The following CFAP46 variants were observed in gnomAD, a reference collection of about 807,000 sequenced individuals.
CFAP46 encodes cilia- and flagella-associated protein 46.
In CFAP46, 245 loss-of-function variants were observed where a neutral mutation model predicts 325.7. The ratio of observed to expected loss-of-function variants is 0.75; its 90% CI spans 0.68 to 0.84. The LOEUF is 0.84. Among genes scored for constraint, CFAP46 ranks in the 40% least tolerant of loss-of-function variants. The pLI is 0.00. For synonymous variants in CFAP46, 1,523 were observed against 1,495.9 expected, an observed-to-expected ratio of 1.02 and a Z score of -0.42; for missense variants, 3,346 against 3,543.0, an observed-to-expected ratio of 0.94 and a Z score of 1.41.
At chr10:132,860,725 C>A (rs1848709566) in intron 36 of CFAP46, 57 bp downstream of exon 36, 1 of 1,529,846 alleles carries the variant, frequency 6.5e-7, no homozygotes, top group African/African-American at 1.4e-5. Flanking sequence ...CCCTTCCTCT[C>A]CACCAAGCAC....
Position 132,877,021 on chromosome 10 carries a change from C to T in CFAP46, c.4213-60G>A. On this transcript the variant is annotated intron_variant, in intron 30 of 57. Transcript: ENST00000368586. This position sits in a 1 kb window ranked among gnomAD's most constrained non-coding sequence, Gnocchi z 5.7. ...GGTGGAGGTGAAACAGCAGACACCC[C>T]CGGCCCACCGGCATGGCTGTGCAGC... is the stretch of plus-strand genomic sequence containing the variant. 1 of 1,500,278 alleles carries T rather than the reference C, an allele frequency of 6.7e-7. No homozygotes were observed. The highest frequency in any genetic ancestry group is 9.0e-7 in the Non-Finnish European group (1 of 1,114,304). 92.9% of individuals were successfully genotyped at this position (1,500,278 alleles called of 1,614,324 possible). A position where few individuals can be genotyped will look rare whatever the true frequency, so the allele number is the denominator to read the frequency against.
intron 56 of CFAP46, chr10:132,810,719 G>A (rs1035156710): frequency 5.5e-6 from 4 of 726,030 alleles, no homozygotes; most frequent in Non-Finnish European, 1.0e-5. Context: ...CAGCTGTGAG[G>A]CGCTGTGGGG....
intron 44 of CFAP46, among the ~76,000 whole-genome samples, chr10:132,840,855 C>T (rs577074826): frequency 3.3e-5 from 5 of 152,244 alleles, no homozygotes; most frequent in East Asian, 3.9e-4. Flanking sequence ...TGTGGCCCAG[C>T]GCTGTTCGGT....
chr10:132,821,971 C>T (rs1346271667), intron 50 of CFAP46, among the ~76,000 whole-genome samples: 1 of 112,772 alleles, frequency 8.9e-6, no homozygotes, highest in African/African-American at 3.8e-5. Flanking sequence ...TGTGTGTGCG[C>T]TGATGTGTGC....
chr10:132,913,328 G>T (rs891875322), intron 17 of CFAP46, 70 bp from the exon 18 acceptor site: 2 of 1,297,094 alleles, frequency 1.5e-6, no homozygotes, highest in East Asian at 2.5e-5. Context: ...CAGGAAGGCT[G>T]CGGGGCCTGT....
At position 132,908,630 on chromosome 10, in the gene CFAP46, A is replaced by G. The variant is rs1208773285; in HGVS notation, c.2762T>C (p.Val921Ala). 3.3e-6 allele frequency: 5 copies of G among 1,533,816 alleles called. No homozygotes were observed. Among genetic ancestry groups the G allele is most frequent in the Non-Finnish European group, 4.4e-6 (5 of 1,137,468 alleles). The change falls in exon 22 of 58, where the codon GTG (valine) becomes GCG (alanine). Residue 921 changes from valine to alanine, a missense_variant. Coordinates refer to ENST00000368586, the MANE Select transcript of CFAP46 (RefSeq NM_001200049.3). ...CCAGTTGCACTCGGAAGCCATTTTC[A>G]CCAACTTCCGGTGGGTGGCAAGAGA... ...DFTVPSLAQL[V>A]KMASECNWSD...
intron 32 of CFAP46, among the ~76,000 whole-genome samples, chr10:132,870,156 G>A (rs1362006468): frequency 1.3e-5 from 2 of 152,094 alleles, no homozygotes; most frequent in Non-Finnish European, 2.9e-5. Context: ...TTGTTTTGGG[G>A]CACCATCAGC....
At position 132,836,920 on chromosome 10, in the gene CFAP46, T is replaced by C; in HGVS notation, c.6439-6A>G. On this transcript the variant is annotated splice_region_variant and splice_polypyrimidine_tract_variant and intron_variant, in intron 44 of 57. Transcript: ENST00000368586. ...ACGCAGAGATTTTGCCAAGCCTGTG[T>C]GGCGAAAAACGGCCATCAGGGGATG... 8 of 1,612,928 alleles carry C rather than the reference T, an allele frequency of 5.0e-6. No homozygotes were observed. The highest frequency in any genetic ancestry group is 6.8e-6 in the Non-Finnish European group (8 of 1,179,090).
intron 55 of CFAP46, among the ~76,000 whole-genome samples, chr10:132,811,300 G>C (rs1359592867): frequency 2.6e-5 from 4 of 152,186 alleles, no homozygotes; most frequent in Admixed American, 6.5e-5. Flanking sequence ...AGCCCACCTG[G>C]GCTCCCCCAG....
rs1356463017 is a variant in CFAP46 at position 132,879,617 on chromosome 10, C to T, written c.3814G>A (p.Val1272Met). Residue 1272 changes from valine (V) to methionine (M), a missense_variant, in exon 29 of 58, where the codon GTG becomes ATG. By Grantham distance (21) the Val-to-Met change is conservative (BLOSUM62 1). Transcript: ENST00000368586. ...ACGGGGCTCCGTGGGGGCATCTCCA[C>T]AGCCACGTACTCCCCTGAAACACGG... is the stretch of plus-strand genomic sequence containing the variant. ...QPTPDGEYVA[V>M]EMPPRSPVSE... The T allele has an allele frequency of 2.0e-6, 3 of 1,533,390 alleles. No individual in the cohort carries two copies. The highest frequency in any genetic ancestry group is 2.5e-5 in the East Asian group (1 of 40,680). 95.0% of individuals were successfully genotyped at this position (1,533,390 alleles called of 1,614,324 possible).
In CFAP46 at chr10:132,919,332, T is replaced by G; in HGVS notation, c.1841A>C (p.Lys614Thr). ...CLLYDNVKVK[K>T]LRLRRGKKKR... is the part of the protein sequence containing the mutation. ...GTACGAACCTCGCCGCAGCCTCAAC[T>G]TCTTCACCTTGACGTTGTCATACAG... The change falls in exon 15 of 58, where the codon AAG becomes ACG. Residue 614 changes from lysine (K) to threonine (T), a missense_variant. Transcript: ENST00000368586. This position sits in a 1 kb window ranked among gnomAD's most constrained non-coding sequence, Gnocchi z 9.7. 1 of 1,550,052 alleles carries G rather than the reference T, an allele frequency of 6.5e-7. No homozygotes were observed. Among genetic ancestry groups the G allele is most frequent in the Non-Finnish European group, 8.7e-7 (1 of 1,146,792 alleles).
At chr10:132,837,217 C>T in intron 44 of CFAP46, 1 of 409,392 alleles carries the variant, frequency 2.4e-6, no homozygotes, top group Non-Finnish European at 4.5e-6. Context: ...CCCAAAATAA[C>T]AAATGGAAAA....
rs78551862 is a variant in CFAP46, at chr10:132,884,107, C to G, written c.3627+996G>C. ...GCAGCTCAGCTGGGTCCTGCCTTCCCCAGCCGCCCGCAGCCTCCCCTCCTC... is the reference window on the plus strand; with the variant it reads ...GCAGCTCAGCTGGGTCCTGCCTTCCGCAGCCGCCCGCAGCCTCCCCTCCTC... On this transcript the variant is annotated intron_variant, in intron 27 of 57. Transcript: ENST00000368586. This position sits in a 1 kb window ranked among gnomAD's most constrained non-coding sequence, Gnocchi z 5.4. Among the ~76,000 whole-genome samples, 46 of 152,336 alleles carry G rather than the reference C, an allele frequency of 3.0e-4. No homozygotes were observed. The East Asian group carries it at 7.9e-3, about 26-fold the overall frequency.
At position 132,919,720 on chromosome 10, in the gene CFAP46, G is replaced by A. The variant is rs1057168214; in HGVS notation, c.1731-278C>T. Among the ~76,000 whole-genome samples the A allele has an allele frequency of 2.0e-5, 3 of 152,056 alleles. No individual in the cohort carries two copies. Among genetic ancestry groups the A allele is most frequent in the Non-Finnish European group, 4.4e-5 (3 of 67,988 alleles). On this transcript the variant is annotated intron_variant, in intron 14 of 57. Transcript: ENST00000368586. The surrounding 1 kb of genome is among the most constrained non-coding windows in gnomAD (Gnocchi z 9.7). The stretch of plus-strand genomic sequence containing the variant: ...CAATCCACTCCCCGGGGGAGTGCAC[G>A]GGACAGGCCTCCCGGGGATGGTACC...
intron 19 of CFAP46, among the ~76,000 whole-genome samples, chr10:132,911,488 C>A (rs1420037198): frequency 6.6e-6 from 1 of 152,170 alleles, no homozygotes; most frequent in Non-Finnish European, 1.5e-5. Flanking sequence ...ACACTCAAGG[C>A]CTCCCTGCCC....
At chr10:132,897,358 C>T (rs948999502) in intron 24 of CFAP46, among the ~76,000 whole-genome samples, 2 of 152,244 alleles carry the variant, frequency 1.3e-5, no homozygotes, top group African/African-American at 4.8e-5. Context: ...AATCAGGTAT[C>T]TGCTGAGGGA....
intron 31 of CFAP46, among the ~76,000 whole-genome samples, chr10:132,875,645 G>A (rs1848947433): frequency 6.6e-6 from 1 of 152,146 alleles, no homozygotes; most frequent in South Asian, 2.1e-4. Flanking sequence ...TCAGGAAGTG[G>A]TGTCAGAACA....
At chr10:132,933,313 G>A (rs1009127984) in intron 8 of CFAP46, among the ~76,000 whole-genome samples, 3 of 152,234 alleles carry the variant, frequency 2.0e-5, no homozygotes, top group African/African-American at 7.2e-5. Flanking sequence ...AGGCCTGCTG[G>A]GCAGGTCGGG....
At position 132,937,592 on chromosome 10, in the gene CFAP46, G is replaced by T; in HGVS notation, c.620C>A (p.Ser207Tyr). Residue 207 changes from serine to tyrosine, a missense_variant, in exon 6 of 58, where the codon TCT becomes TAT. Transcript: ENST00000368586. ...CTGCCGGTATTTCTGTGGCACGTGA[G>T]ACTTAATGAACGGAGCTGCCGTGGA... ...FCSTAAPFIK[S>Y]HVPQKYRQIF... 1 of 1,613,684 alleles carries T rather than the reference G, an allele frequency of 6.2e-7. No homozygotes were observed. Among genetic ancestry groups the T allele is most frequent in the Non-Finnish European group, 8.5e-7 (1 of 1,179,976 alleles).
Sources: allele counts gnomAD v4.1 joint callset (sites outside exome capture counted in the v4.1 genomes callset), GRCh38; gene constraint gnomAD v4.1.1; non-coding constraint Gnocchi (gnomAD v3.1); transcripts MANE v1.5; gene names NCBI Gene and HGNC (gene_info 2026-07-23, HGNC 2026-07-21).